The following CLDN10 variants were observed in gnomAD, a reference collection of about 807,000 sequenced individuals.
CLDN10 encodes claudin-10.
Under a neutral mutation model 22.9 loss-of-function variants are expected in CLDN10, and 15 were observed. That is an observed-to-expected ratio of 0.65 (90% CI 0.44 to 1.01). The LOEUF (loss-of-function observed/expected upper bound fraction) is 1.01. Among genes scored for constraint, CLDN10 ranks in the 50% least tolerant of loss-of-function variants. The probability of loss-of-function intolerance (pLI) is 0.00; values close to 1 mark genes in which losing one functional copy is unlikely to be tolerated. For missense variants in CLDN10, 247 were observed against 287.8 expected, an observed-to-expected ratio of 0.86 and a Z score of 1.03; for synonymous variants, 114 against 111.4, an observed-to-expected ratio of 1.02 and a Z score of -0.15.
At chr13:95,513,693 A>ATGTGCCATCATACAGCTAAC (rs1420888407) in intron 1 of CLDN10, among the ~76,000 whole-genome samples, 1 of 152,226 alleles carries the variant, frequency 6.6e-6, no homozygotes. Context: ...TCATTCATAG[A>ATGTGCCATCATACAGCTAAC]TACATATTGG....
chr13:95,475,181 C>G (rs946375017), intron 1 of CLDN10, among the ~76,000 whole-genome samples: 1 of 152,158 alleles, frequency 6.6e-6, no homozygotes, highest in African/African-American at 2.4e-5. Flanking sequence ...GGCAGCAGCT[C>G]CCTGCCAGGG....
intron 1 of CLDN10, among the ~76,000 whole-genome samples, chr13:95,458,546 G>A (rs1183137568): frequency 6.6e-6 from 1 of 152,184 alleles, no homozygotes; most frequent in African/African-American, 2.4e-5. Flanking sequence ...GATGAGTGAA[G>A]GGGGAAGAAC....
chr13:95,483,236 G>T (rs2042768732), intron 1 of CLDN10, among the ~76,000 whole-genome samples: 1 of 152,190 alleles, frequency 6.6e-6, no homozygotes. Context: ...CTTTCTCCTC[G>T]TTCAGACTGT....
At chr13:95,526,210 T>C (rs1210223221) in intron 1 of CLDN10, among the ~76,000 whole-genome samples, 1 of 152,250 alleles carries the variant, frequency 6.6e-6, no homozygotes, top group Non-Finnish European at 1.5e-5. Context: ...ATATTAATTA[T>C]AATTGTTAGA....
At chr13:95,482,138 A>C (rs1268849005) in intron 1 of CLDN10, among the ~76,000 whole-genome samples, 1 of 152,238 alleles carries the variant, frequency 6.6e-6, no homozygotes, top group Non-Finnish European at 1.5e-5. Flanking sequence ...CCCATGTTAC[A>C]TGATGTGCTT....
chr13:95,508,286 C>A (rs1286345371), intron 1 of CLDN10, among the ~76,000 whole-genome samples: 3 of 152,178 alleles, frequency 2.0e-5, no homozygotes, highest in African/African-American at 7.2e-5. Context: ...CCAGCAGCCT[C>A]TTCCTGACTC....
At chr13:95,463,440 C>T (rs1175755501) in intron 1 of CLDN10, among the ~76,000 whole-genome samples, 1 of 146,136 alleles carries the variant, frequency 6.8e-6, no homozygotes, top group African/African-American at 2.5e-5. Flanking sequence ...TCAGGTGATC[C>T]TCCCACCTGA....
rs767580501 is a variant in CLDN10 at position 95,566,075 on chromosome 13, G to A, written c.464+5612G>A. Reference sequence around the variant, plus strand: ...ACTCTTTGCTATTGTGAATAGTGCCGCAATAAACATACATGTGCATGTGTC... The same window carrying A: ...ACTCTTTGCTATTGTGAATAGTGCCACAATAAACATACATGTGCATGTGTC... On this transcript the variant is annotated intron_variant, in intron 3 of 4. Coordinates refer to ENST00000299339, the MANE Select transcript of CLDN10 (RefSeq NM_006984.5). Among the ~76,000 whole-genome samples the A allele has an allele frequency of 8.5e-5, 13 of 152,194 alleles. No individual in the cohort carries two copies. In the East Asian group the frequency reaches 9.7e-4, roughly 11 times the overall value.
At chr13:95,497,439 G>C (rs2042940856) in intron 1 of CLDN10, among the ~76,000 whole-genome samples, 1 of 152,154 alleles carries the variant, frequency 6.6e-6, no homozygotes, top group Admixed American at 6.6e-5. Flanking sequence ...TCAGTGCCAG[G>C]ACTCTGTGCC....
chr13:95,475,704 C>T (rs17268442), intron 1 of CLDN10, among the ~76,000 whole-genome samples: 13,500 of 152,192 alleles, frequency 0.089, 845 homozygotes, highest in South Asian at 0.22. Context: ...CTCTGGGTGG[C>T]GTCTCAGTGA....
At chr13:95,439,956 C>T (rs988005452) in intron 1 of CLDN10, among the ~76,000 whole-genome samples, 1 of 151,870 alleles carries the variant, frequency 6.6e-6, no homozygotes, top group Non-Finnish European at 1.5e-5. Flanking sequence ...CTCTGTTGCC[C>T]AGGCTGGAGT....
chr13:95,539,574 T>C (rs1414859747), intron 1 of CLDN10, among the ~76,000 whole-genome samples: 1 of 152,214 alleles, frequency 6.6e-6, no homozygotes. Context: ...TGGAAGAAAG[T>C]TGTTGCATTA....
At chr13:95,510,289 T>C (rs776314161) in intron 1 of CLDN10, among the ~76,000 whole-genome samples, 5 of 152,226 alleles carry the variant, frequency 3.3e-5, no homozygotes, top group Non-Finnish European at 5.9e-5. Context: ...CAATTCTCCC[T>C]CAATCCACGT....
intron 1 of CLDN10, among the ~76,000 whole-genome samples, chr13:95,463,286 AT>A (rs1285793139): frequency 0.024 from 535 of 21,870 alleles, 13 homozygotes; most frequent in African/African-American, 0.042. Flanking sequence ...CAAATGCTTA[AT>A]ATATATATAT....
At chr13:95,537,823 C>T (rs922318190) in intron 1 of CLDN10, among the ~76,000 whole-genome samples, 2 of 152,158 alleles carry the variant, frequency 1.3e-5, no homozygotes, top group South Asian at 2.1e-4. Context: ...AAACACTCAC[C>T]GGGGTAATTT....
intron 1 of CLDN10, among the ~76,000 whole-genome samples, chr13:95,475,631 C>T (rs948690542): frequency 2.6e-5 from 4 of 152,208 alleles, no homozygotes; most frequent in Non-Finnish European, 5.9e-5. Flanking sequence ...GTGAGGGTGA[C>T]TGGCTTGGAG....
chr13:95,570,383 C>T (rs2043838904), intron 3 of CLDN10, among the ~76,000 whole-genome samples: 1 of 152,160 alleles, frequency 6.6e-6, no homozygotes, highest in Non-Finnish European at 1.5e-5. Flanking sequence ...TTGAATTGAA[C>T]TATGTGACTT....
At chr13:95,526,204 T>G (rs1446244147) in intron 1 of CLDN10, among the ~76,000 whole-genome samples, 1 of 152,244 alleles carries the variant, frequency 6.6e-6, no homozygotes, top group Non-Finnish European at 1.5e-5. Context: ...GTGAAAATAT[T>G]AATTATAATT....
chr13:95,561,523 TACAA>T (rs2043712416), intron 3 of CLDN10, among the ~76,000 whole-genome samples: 1 of 152,196 alleles, frequency 6.6e-6, no homozygotes, highest in African/African-American at 2.4e-5. Flanking sequence ...ATTTTATTCT[TACAA>T]ACAACCTTAT....
Sources: gnomAD v4.1 joint callset for allele counts (sites outside exome capture counted in the v4.1 genomes callset) on GRCh38, gnomAD v4.1.1 for gene constraint, MANE v1.5 for transcripts, NCBI Gene and HGNC (gene_info 2026-07-23, HGNC 2026-07-21) for gene names.